Variants in FAAH2 observed in about 807,000 individuals in gnomAD.
FAAH2 encodes fatty acid amide hydrolase 2, also known as fatty-acid amide hydrolase 2.
FAAH2 carries 60 observed loss-of-function variants against 36.9 expected under a neutral mutation model. The ratio of observed to expected loss-of-function variants is 1.63; its 90% CI spans 1.32 to 2.02. The LOEUF (loss-of-function observed/expected upper bound fraction) is 2.02. Ranked by LOEUF, FAAH2 falls within the 30% of genes most tolerant of loss-of-function variation. The probability of loss-of-function intolerance (pLI) is 0.00; values close to 1 mark genes in which losing one functional copy is unlikely to be tolerated. For synonymous variants in FAAH2, 214 were observed against 143.8 expected (o/e 1.49, Z -3.49); for missense variants, 689 against 397.5 (o/e 1.73, Z -6.23).
chrX:57,310,461 A>G, intron 2 of FAAH2, 132 bp from the exon 3 acceptor site: 1 of 720,418 alleles, frequency 1.4e-6, no homozygotes, highest in East Asian at 3.8e-5. Context: ...GGTCAGCTTT[A>G]TAAGGCTCTT....
chrX:57,342,520 G>C (rs1306959538), intron 5 of FAAH2, among the ~76,000 whole-genome samples: 3 of 111,466 alleles, frequency 2.7e-5, no homozygotes, highest in Non-Finnish European at 5.7e-5. Context: ...AAACTTAAAA[G>C]TTAAAAAGAA....
the FAAH2 span, among the ~76,000 whole-genome samples, chrX:57,249,645 T>C: frequency 8.9e-6 from 1 of 112,104 alleles, no homozygotes; most frequent in Non-Finnish European, 1.9e-5. Context: ...GTTACAGAAA[T>C]AAACTCTCTT....
intron 7 of FAAH2, among the ~76,000 whole-genome samples, chrX:57,418,413 G>A (rs772183045): frequency 5.4e-4 from 60 of 111,368 alleles, no homozygotes; most frequent in Middle Eastern, 4.6e-3. Context: ...TGGGAAAAGC[G>A]TGTTATCTGG....
chrX:57,486,355 G>A (rs1348634027), intron 10 of FAAH2, among the ~76,000 whole-genome samples: 1 of 111,207 alleles, frequency 9.0e-6, no homozygotes, highest in Non-Finnish European at 1.9e-5. Flanking sequence ...GGTTGGGTGG[G>A]GCCAGATGCT....
intron 2 of FAAH2, among the ~76,000 whole-genome samples, chrX:57,301,017 C>A (rs1352341778): frequency 9.0e-6 from 1 of 110,887 alleles, no homozygotes; most frequent in Middle Eastern, 4.2e-3. Context: ...GTTGGTGGGA[C>A]TGTAAACTAG....
At chrX:57,470,726 A>C (rs2057149581) in intron 10 of FAAH2, among the ~76,000 whole-genome samples, 1 of 111,666 alleles carries the variant, frequency 9.0e-6, no homozygotes, top group Non-Finnish European at 1.9e-5. Context: ...AAAAAGAGCG[A>C]ATCCTCCCTA....
chrX:57,362,633 G>C (rs754345217), intron 5 of FAAH2, among the ~76,000 whole-genome samples: 8 of 111,451 alleles, frequency 7.2e-5, no homozygotes, highest in Non-Finnish European at 1.5e-4. Context: ...TTTTGTTTTT[G>C]TTGCAACTGC....
At position 57,466,156 on chromosome X, in the gene FAAH2, C is replaced by CTATATATATATATATATA. The variant is rs1163626331; in HGVS notation, c.1423+17445_1423+17462dup. Among the ~76,000 whole-genome samples, 42 of 66,376 alleles carry CTATATATATATATATATA rather than the reference C, an allele frequency of 6.3e-4. 1 individual carries two copies. The highest frequency in any genetic ancestry group is 1.2e-3 in the African/African-American group (21 of 17,068). 57.6% of individuals were successfully genotyped at this position (66,376 alleles called of 115,157 possible). On this transcript the variant is annotated intron_variant, in intron 10 of 10. Coordinates refer to ENST00000374900, the MANE Select transcript of FAAH2 (RefSeq NM_174912.4). The stretch of plus-strand genomic sequence containing the variant: ...TCTCTCTCTCTCTCTCTCTCTCTCT[C>CTATATATATATATATATA]TATATATATATATATATATATATAC...
At chrX:57,482,521 G>GT (rs2057398279) in intron 10 of FAAH2, among the ~76,000 whole-genome samples, 1 of 109,717 alleles carries the variant, frequency 9.1e-6, no homozygotes, top group Non-Finnish European at 1.9e-5. Flanking sequence ...TACTTCCTGG[G>GT]TGAGGCAATG....
chrX:57,278,475 C>A, the FAAH2 span, among the ~76,000 whole-genome samples: 1 of 111,283 alleles, frequency 9.0e-6, no homozygotes, highest in Non-Finnish European at 1.9e-5. Flanking sequence ...CATAAAAACC[C>A]TAGAAGAAAA....
intron 8 of FAAH2, 61 bp from the exon 9 acceptor site, chrX:57,446,867 T>A: frequency 2.4e-6 from 2 of 823,527 alleles, no homozygotes; most frequent in South Asian, 4.8e-5. Flanking sequence ...TGTATAGGTG[T>A]TTTGGTCTTT....
chrX:57,183,396 G>A, the FAAH2 span, among the ~76,000 whole-genome samples: 14 of 110,622 alleles, frequency 1.3e-4, no homozygotes, highest in African/African-American at 3.0e-4. Flanking sequence ...CAAATTATAC[G>A]TTCTTAAAAA....
the FAAH2 span, chrX:57,122,039 G>C: frequency 9.0e-6 from 1 of 111,360 alleles, no homozygotes; most frequent in South Asian, 3.7e-4. Flanking sequence ...TTTTGTTTTT[G>C]TTTTCGAGGG....
intron 6 of FAAH2, among the ~76,000 whole-genome samples, chrX:57,379,661 C>A (rs1242182489): frequency 9.1e-6 from 1 of 109,973 alleles, no homozygotes; most frequent in Non-Finnish European, 1.9e-5. Flanking sequence ...TCCCCTTAAG[C>A]CACTACTCTA....
the FAAH2 span, among the ~76,000 whole-genome samples, chrX:57,184,575 A>G: frequency 8.9e-6 from 1 of 112,857 alleles, no homozygotes; most frequent in Non-Finnish European, 1.9e-5. Flanking sequence ...GGACAATTAT[A>G]TTCACAGAAA....
chrX:57,165,690 G>T, the FAAH2 span, among the ~76,000 whole-genome samples: 1 of 110,271 alleles, frequency 9.1e-6, no homozygotes, highest in Non-Finnish European at 1.9e-5. Context: ...TAAAAGTATA[G>T]TAATAATAAA....
chrX:57,163,576 T>A, the FAAH2 span, among the ~76,000 whole-genome samples: 1 of 112,232 alleles, frequency 8.9e-6, no homozygotes, highest in African/African-American at 3.2e-5. Flanking sequence ...CGCCGTTTTT[T>A]AAGCCCGTCA....
intron 10 of FAAH2, among the ~76,000 whole-genome samples, chrX:57,457,402 C>T (rs1367393864): frequency 9.0e-6 from 1 of 110,622 alleles, no homozygotes; most frequent in African/African-American, 3.3e-5. Flanking sequence ...GACAAGTATG[C>T]CCACTTTCAC....
upstream of FAAH2, among the ~76,000 whole-genome samples, chrX:57,286,528 C>T (rs764940435): frequency 9.0e-5 from 10 of 111,258 alleles, no homozygotes; most frequent in Non-Finnish European, 1.9e-4. Context: ...TACACAGTAG[C>T]AGAACTGGGG....
Sources: allele counts gnomAD v4.1 joint callset (sites outside exome capture counted in the v4.1 genomes callset), GRCh38; gene constraint gnomAD v4.1.1; transcripts MANE v1.5; gene names NCBI Gene and HGNC (gene_info 2026-07-23, HGNC 2026-07-21).